Variants in OTUD7B observed in about 807,000 individuals in gnomAD.
OTUD7B encodes the protein OTU deubiquitinase 7B.
In OTUD7B, 34 loss-of-function variants were observed where a neutral mutation model predicts 82.2. The ratio of observed to expected loss-of-function variants is 0.41; its 90% confidence interval spans 0.31 to 0.55. OTUD7B has a LOEUF of 0.55. OTUD7B is among the 20% of genes least tolerant of loss of function. The probability of loss-of-function intolerance (pLI) is 0.20; values close to 1 mark genes in which losing one functional copy is unlikely to be tolerated. For synonymous variants in OTUD7B, 398 were observed against 402.7 expected (o/e 0.99, Z 0.14); for missense variants, 944 against 1,062.1 (o/e 0.89, Z 1.55).
the OTUD7B span, chr1:150,067,648 C>T: frequency 2.6e-5 from 14 of 543,554 alleles, no homozygotes; most frequent in Non-Finnish European, 4.2e-5. Flanking sequence ...CGGCCCAGGC[C>T]GTCTCAGCCG....
In OTUD7B at chr1:149,971,137, T is replaced by A; in HGVS notation, c.200A>T (p.Glu67Val). 6.2e-7 allele frequency: 1 copy of A among 1,613,368 alleles called. No individual in the cohort carries two copies. The highest frequency in any genetic ancestry group is 8.5e-7 in the Non-Finnish European group (1 of 1,179,468). The change falls in exon 3 of 12, where the codon GAA becomes GTA. Residue 67 changes from glutamate (E) to valine (V), a missense_variant. Physicochemically the swap from Glu to Val is moderately radical, Grantham distance 121. This residue lies in a region of OTUD7B where 530 missense variants were observed against 625.6 expected (regional missense o/e 0.85). Transcript: ENST00000581312. Reference protein sequence around the residue: ...SEGSGGSRTPEKGFSDREPTR... With the variant: ...SEGSGGSRTPVKGFSDREPTR... ...AGGCTCTCTGTCAGAAAACCCTTTT[T>A]CAGGGGTCCTGGAGCCACCACTCCC...
At chr1:149,956,715 T>G (rs1351516679) in intron 7 of OTUD7B, among the ~76,000 whole-genome samples, 1 of 145,204 alleles carries the variant, frequency 6.9e-6, no homozygotes, top group African/African-American at 2.5e-5. Flanking sequence ...CCATATTTCT[T>G]TGAGGATTTG....
chr1:150,001,114 G>C (rs1285453648), intron 1 of OTUD7B, among the ~76,000 whole-genome samples: 1 of 152,180 alleles, frequency 6.6e-6, no homozygotes, highest in Admixed American at 6.5e-5. Context: ...AAAGGATGCA[G>C]GGTGGAACTT....
At chr1:150,044,518 C>T in the OTUD7B span, among the ~76,000 whole-genome samples, 7 of 151,652 alleles carry the variant, frequency 4.6e-5, no homozygotes, top group African/African-American at 9.7e-5. Flanking sequence ...CAGGCATGAG[C>T]CCACCACCTG....
Position 149,964,296 on chromosome 1 carries a change from G to A in OTUD7B, c.658C>T (p.Leu220=), listed in dbSNP as rs754562190. The change falls in exon 6 of 12, where the codon CTG becomes TTG. Residue 220 remains leucine, a synonymous_variant. Coordinates refer to ENST00000581312, the MANE Select transcript of OTUD7B (RefSeq NM_020205.4). Reference sequence around the variant, plus strand: ...TCCTTCTCAACTCCCTTCTCCATCAGTGCATACAAAGCTTTCCGCAGCATC... The same window carrying A: ...TCCTTCTCAACTCCCTTCTCCATCAATGCATACAAAGCTTTCCGCAGCATC... The part of the protein sequence containing the change: ...DLMLRKALYA[L]MEKGVEKEAL... The A allele has an allele frequency of 1.2e-6, 2 of 1,614,052 alleles. No individual in the cohort carries two copies. The highest frequency in any genetic ancestry group is 1.7e-6 in the Non-Finnish European group (2 of 1,179,958).
At chr1:150,052,493 A>C in the OTUD7B span, among the ~76,000 whole-genome samples, 1 of 152,200 alleles carries the variant, frequency 6.6e-6, no homozygotes, top group Non-Finnish European at 1.5e-5. Context: ...GAGAATTACA[A>C]AATACTGTGC....
intron 2 of OTUD7B, 75 bp from the exon 3 acceptor site, chr1:149,971,326 T>C (rs782485858): frequency 1.6e-5 from 16 of 1,016,228 alleles, no homozygotes; most frequent in Non-Finnish European, 2.2e-5. Flanking sequence ...AACTATCCTA[T>C]CAAAACCAGT....
rs782474186 is a variant in OTUD7B, at chr1:149,971,259, G to A, written c.86-8C>T. On this transcript the variant is annotated splice_polypyrimidine_tract_variant and splice_region_variant and intron_variant, in intron 2 of 11. Transcript: ENST00000581312. ...TCACATCCCAATTCTTTCCTGTCAG[G>A]AGACAAAGCAAAAAGCAAACTGTGC... The A allele has an allele frequency of 6.3e-7, 1 of 1,595,640 alleles. No homozygotes were observed. Among genetic ancestry groups the A allele is most frequent in the Admixed American group, 1.7e-5 (1 of 59,286 alleles).
chr1:150,066,526 T>C, the OTUD7B span, among the ~76,000 whole-genome samples: 1 of 152,214 alleles, frequency 6.6e-6, no homozygotes, highest in South Asian at 2.1e-4. The surrounding 1 kb of genome is among the most constrained non-coding windows in gnomAD (Gnocchi z 4.6). Flanking sequence ...GAGAATTATA[T>C]ATAATATTGC....
At chr1:149,992,391 C>T (rs1651630137) in intron 1 of OTUD7B, among the ~76,000 whole-genome samples, 1 of 150,256 alleles carries the variant, frequency 6.7e-6, no homozygotes, top group African/African-American at 2.5e-5. Context: ...TTTTTCTCTT[C>T]TACTGATAGT....
chr1:149,964,347 T>C lies in OTUD7B; in HGVS notation c.607A>G (p.Met203Val). Residue 203 changes from methionine (M) to valine (V), a missense_variant and splice_region_variant, in exon 6 of 12, where the codon ATG (methionine) becomes GTG (valine). Around this residue, in one of 3 missense-constraint regions of OTUD7B, gnomAD observed 530 missense variants for 625.6 expected, o/e 0.85. Transcript: ENST00000581312. ...AAGTCCCGATCATGGAAACCCCACA[T>C]TCCTGTGGCAAAAAAGCATAATGGT... is the stretch of plus-strand genomic sequence containing the variant. ...NCLLHAASLG[M>V]WGFHDRDLML... 1 of 1,612,158 alleles carries C rather than the reference T, an allele frequency of 6.2e-7. No individual in the cohort carries two copies. Among genetic ancestry groups the C allele is most frequent in the Non-Finnish European group, 8.5e-7 (1 of 1,179,256 alleles).
intron 3 of OTUD7B, among the ~76,000 whole-genome samples, chr1:149,968,080 G>T (rs1410444284): frequency 6.6e-6 from 1 of 151,832 alleles, no homozygotes; most frequent in African/African-American, 2.4e-5. Context: ...CCTGACCAAC[G>T]TGGTGAAACA....
chr1:149,965,744 G>T, intron 5 of OTUD7B, 33 bp downstream of exon 5: 1 of 1,460,814 alleles, frequency 6.8e-7, no homozygotes, highest in Non-Finnish European at 9.6e-7. Context: ...CTTCCTTTCT[G>T]CAGGTGAATG....
chr1:149,947,213 T>C (rs1276293189), intron 11 of OTUD7B, 38 bp downstream of exon 11: 1 of 1,169,384 alleles, frequency 8.6e-7, no homozygotes, highest in Non-Finnish European at 1.3e-6. Flanking sequence ...GAAAATGAAA[T>C]GAAGACACAC....
chr1:150,059,200 C>A, the OTUD7B span, among the ~76,000 whole-genome samples: 1 of 142,308 alleles, frequency 7.0e-6, no homozygotes, highest in East Asian at 2.1e-4. Context: ...ATTACAGGTG[C>A]CTGCCACCAC....
chr1:149,977,616 G>A, intron 1 of OTUD7B, 40 bp from the exon 2 acceptor site: 1 of 781,856 alleles, frequency 1.3e-6, no homozygotes, highest in South Asian at 1.5e-5. Context: ...AATTACACTG[G>A]AACAGGATAA....
rs1228786112 is a variant in OTUD7B, at chr1:149,986,273, A to ACACACG, written c.-66-8698_-66-8697insCGTGTG. On this transcript the variant is annotated intron_variant, in intron 1 of 11. Transcript: ENST00000581312. The stretch of plus-strand genomic sequence containing the variant: ...CACACACACACACACACACACACAC[A>ACACACG]GTACTGTTGATAGTCTATCAGTGTT... 1.9e-3 allele frequency among the ~76,000 whole-genome samples: 289 copies of ACACACG among 151,294 alleles called. 1 individual carries two copies. The highest frequency in any genetic ancestry group is 6.6e-3 in the African/African-American group (272 of 41,072).
At chr1:149,953,146 G>T (rs1648392019) in intron 7 of OTUD7B, among the ~76,000 whole-genome samples, 2 of 152,182 alleles carry the variant, frequency 1.3e-5, no homozygotes, top group Admixed American at 1.3e-4. Context: ...GAAGGGTATT[G>T]CCTAGGTTTT....
chr1:149,991,618 T>A (rs1651573526), intron 1 of OTUD7B, among the ~76,000 whole-genome samples: 1 of 152,184 alleles, frequency 6.6e-6, no homozygotes, highest in Non-Finnish European at 1.5e-5. Context: ...ACCCTCAAGT[T>A]ACAGATGACA....
Sources: allele counts gnomAD v4.1 joint callset (sites outside exome capture counted in the v4.1 genomes callset), GRCh38; gene constraint gnomAD v4.1.1; regional missense constraint gnomAD v4.1.1; non-coding constraint Gnocchi (gnomAD v3.1); transcripts MANE v1.5; gene names NCBI Gene and HGNC (gene_info 2026-07-23, HGNC 2026-07-21).